The following SLC25A46 variants were observed in gnomAD, a reference collection of about 807,000 sequenced individuals.
SLC25A46 encodes the protein solute carrier family 25 member 46.
Under a neutral mutation model 44.6 loss-of-function variants are expected in SLC25A46, and 39 were observed. The ratio of observed to expected loss-of-function variants is 0.87; its 90% CI spans 0.68 to 1.14. The LOEUF (loss-of-function observed/expected upper bound fraction) is 1.14, where lower values mean the gene tolerates loss of function less well. Ranked by LOEUF, SLC25A46 falls within the 50% of genes most tolerant of loss-of-function variation. The pLI, the probability that SLC25A46 is intolerant of heterozygous loss-of-function variation, is 0.00. For synonymous variants in SLC25A46, 202 were observed against 185.8 expected (o/e 1.09, Z -0.71); for missense variants, 547 against 522.7 (o/e 1.05, Z -0.45).
intron 5 of SLC25A46, among the ~76,000 whole-genome samples, chr5:110,752,606 G>C (rs964857439): frequency 1.3e-5 from 2 of 152,038 alleles, no homozygotes; most frequent in African/African-American, 4.8e-5. Context: ...TTAAACACAC[G>C]TTATTTTAAA....
intron 3 of SLC25A46, 64 bp downstream of exon 3, chr5:110,743,851 C>A: frequency 8.0e-7 from 1 of 1,247,048 alleles, no homozygotes. Context: ...GGGCAGAACT[C>A]ACATAAATGA....
At chr5:110,752,050 G>A (rs1200121372) in intron 5 of SLC25A46, among the ~76,000 whole-genome samples, 1 of 152,128 alleles carries the variant, frequency 6.6e-6, no homozygotes, top group African/African-American at 2.4e-5. Context: ...GTTCACAGAA[G>A]CTACTACATG....
chr5:110,760,100 C>T (rs769646667), intron 7 of SLC25A46, among the ~76,000 whole-genome samples: 8 of 152,078 alleles, frequency 5.3e-5, no homozygotes, highest in Non-Finnish European at 1.0e-4. Context: ...TCTTGATCTT[C>T]ACCAAATTGC....
chr5:110,751,807 T>C (rs879289013), intron 5 of SLC25A46, among the ~76,000 whole-genome samples: 1 of 152,196 alleles, frequency 6.6e-6, no homozygotes, highest in African/African-American at 2.4e-5. Context: ...GCTTTAGGAA[T>C]GGTAGATCAA....
Position 110,752,582 on chromosome 5 carries a change from C to T in SLC25A46, c.564-2883C>T, listed in dbSNP as rs566164563. ...GTAGTTTTCCTCCAACGGTTCCCTC[C>T]GAATTTGCTTATTTTAAACACACGT... On this transcript the variant is annotated intron_variant, in intron 5 of 7. Transcript: ENST00000355943. Among the ~76,000 whole-genome samples the T allele has an allele frequency of 2.0e-5, 3 of 152,244 alleles. No individual in the cohort carries two copies. The South Asian group carries it at 6.2e-4, about 32-fold the overall frequency.
intron 5 of SLC25A46, among the ~76,000 whole-genome samples, chr5:110,751,626 A>T (rs1799971457): frequency 6.6e-6 from 1 of 152,198 alleles, no homozygotes; most frequent in South Asian, 2.1e-4. Flanking sequence ...GTAACTGTAG[A>T]TGAAAAGGTT....
chr5:110,755,468 G>A lies in SLC25A46; in HGVS notation c.567G>A (p.Glu189=), dbSNP rs769976816. 1.9e-6 allele frequency: 3 copies of A among 1,550,078 alleles called. No homozygotes were observed. Among genetic ancestry groups the A allele is most frequent in the South Asian group, 1.2e-5 (1 of 83,410 alleles). ...TAAGTTTATTTTTATGTTTTAGGGA[G>A]GTTTTACATAAATGGAGTCCTAAAC... is the stretch of plus-strand genomic sequence containing the variant. The part of the protein sequence containing the change: ...IISEFTPLPR[E]VLHKWSPKQI... The change falls in exon 6 of 8, where the codon GAG becomes GAA. Residue 189 remains glutamate (E), a synonymous_variant. Transcript: ENST00000355943.
At chr5:110,747,532 T>C (rs1254924894) in intron 4 of SLC25A46, among the ~76,000 whole-genome samples, 1 of 152,034 alleles carries the variant, frequency 6.6e-6, no homozygotes, top group Non-Finnish European at 1.5e-5. Context: ...GTATATCTAT[T>C]AATAATATAG....
intron 1 of SLC25A46, among the ~76,000 whole-genome samples, chr5:110,739,721 C>G (rs537469846): frequency 6.6e-6 from 1 of 152,216 alleles, no homozygotes; most frequent in Non-Finnish European, 1.5e-5. Context: ...TTCCCTGATT[C>G]ACTTTGGCAG....
intron 7 of SLC25A46, among the ~76,000 whole-genome samples, chr5:110,758,634 T>G (rs1385886263): frequency 6.6e-6 from 1 of 151,898 alleles, no homozygotes; most frequent in Non-Finnish European, 1.5e-5. Flanking sequence ...ATACAAAAAT[T>G]AGCCGGGTGT....
intron 4 of SLC25A46, 117 bp from the exon 5 acceptor site, chr5:110,748,046 T>C (rs911643143): frequency 1.2e-5 from 8 of 646,294 alleles, no homozygotes; most frequent in Non-Finnish European, 2.1e-5. Flanking sequence ...TCTACTAATA[T>C]TTCTATTAGA....
At chr5:110,753,467 A>G (rs571960490) in intron 5 of SLC25A46, 1 of 152,128 alleles carries the variant, frequency 6.6e-6, no homozygotes, top group South Asian at 2.1e-4. Flanking sequence ...TGAGAAAAGC[A>G]AGGTACTCGA....
At chr5:110,756,664 G>A in intron 6 of SLC25A46, 38 bp from the exon 7 acceptor site, 1 of 1,398,562 alleles carries the variant, frequency 7.2e-7, no homozygotes, top group South Asian at 1.4e-5. Flanking sequence ...TAAGCATCTT[G>A]TTTCAGTATA....
Position 110,761,971 on chromosome 5 carries a change from C to A in SLC25A46, c.*189C>A, listed in dbSNP as rs1800266082. ...GTATATATTTTGGATCAAAATCCTT[C>A]CAAATTTGAAAACTCAATAAAAATA... On this transcript the variant is annotated 3_prime_UTR_variant, in exon 8 of 8. Coordinates refer to ENST00000355943, the MANE Select transcript of SLC25A46 (RefSeq NM_138773.4). This position sits in a 1 kb window ranked among gnomAD's most constrained non-coding sequence, Gnocchi z 5.3. 1.5e-5 allele frequency: 8 copies of A among 516,966 alleles called. No individual in the cohort carries two copies. The highest frequency in any genetic ancestry group is 2.7e-5 in the Non-Finnish European group (8 of 296,368). The allele number at this position is 516,966 out of a possible 1,614,324, so 32.0% of individuals were successfully genotyped here. A position where few individuals can be genotyped will look rare whatever the true frequency, so the allele number is the denominator to read the frequency against.
intron 7 of SLC25A46, among the ~76,000 whole-genome samples, chr5:110,760,127 C>T (rs989409719): frequency 6.6e-6 from 1 of 152,104 alleles, no homozygotes; most frequent in African/African-American, 2.4e-5. Flanking sequence ...GGCAATTTTT[C>T]ATCTCAATAA....
chr5:110,748,374 T>C (rs1799874484), intron 5 of SLC25A46, 111 bp downstream of exon 5: 3 of 790,896 alleles, frequency 3.8e-6, no homozygotes, highest in Non-Finnish European at 6.3e-6. Flanking sequence ...ATGCTAAAGT[T>C]TGGACTTCTA....
chr5:110,751,462 A>G (rs2150413031), intron 5 of SLC25A46, among the ~76,000 whole-genome samples: 1 of 152,250 alleles, frequency 6.6e-6, no homozygotes, highest in East Asian at 1.9e-4. Flanking sequence ...TTCAGGTGTA[A>G]CTGAGAGAAG....
chr5:110,756,813 A>G (rs1180493144), intron 7 of SLC25A46, 54 bp downstream of exon 7: 1 of 1,279,646 alleles, frequency 7.8e-7, no homozygotes, highest in Admixed American at 2.6e-5. Flanking sequence ...TTTTTTGACT[A>G]TTCAGTATAT....
intron 3 of SLC25A46, among the ~76,000 whole-genome samples, chr5:110,745,092 A>T (rs892494744): frequency 6.6e-6 from 1 of 152,204 alleles, no homozygotes; most frequent in Non-Finnish European, 1.5e-5. Flanking sequence ...TTTACCTACC[A>T]TTGCTTTTGT....
Sources: gnomAD v4.1 joint callset for allele counts (sites outside exome capture counted in the v4.1 genomes callset) on GRCh38, gnomAD v4.1.1 for gene constraint, Gnocchi (gnomAD v3.1) non-coding constraint, MANE v1.5 for transcripts, NCBI Gene and HGNC (gene_info 2026-07-23, HGNC 2026-07-21) for gene names.